EPHA1: variants seen among roughly 807,000 people sequenced by gnomAD.
EPHA1 encodes the protein EPH receptor A1, also known as ephrin type-A receptor 1.
Under a neutral mutation model 110.1 loss-of-function variants are expected in EPHA1, and 92 were observed. The ratio of observed to expected loss-of-function variants is 0.84; its 90% CI spans 0.71 to 0.99. EPHA1 has a LOEUF of 0.99. Ranked by LOEUF, EPHA1 falls within the 50% of genes least tolerant of loss-of-function variation. The pLI is 0.00. For synonymous variants in EPHA1, 500 were observed against 516.1 expected (o/e 0.97, Z 0.42); for missense variants, 1,204 against 1,285.4 (o/e 0.94, Z 0.97).
intron 14 of EPHA1, among the ~76,000 whole-genome samples, chr7:143,394,566 G>A (rs374178431): frequency 9.9e-5 from 15 of 152,134 alleles, no homozygotes; most frequent in African/African-American, 2.2e-4. Context: ...GACTACAGGC[G>A]CCTGCCACCA....
chr7:143,394,918 G>A lies in EPHA1; in HGVS notation c.2242C>T (p.Arg748Trp), dbSNP rs145070507. The A allele has an allele frequency of 2.0e-5, 32 of 1,614,040 alleles. No homozygotes were observed. Among genetic ancestry groups the A allele is most frequent in the East Asian group, 6.7e-5 (3 of 44,894 alleles). ...AAGATGTTTCTGGCAGCCAGGTCCC[G>A]GTGGACATAATTGTGATTACTGAGG... is the stretch of plus-strand genomic sequence containing the variant. ...NYLSNHNYVH[R>W]DLAARNILVN... The change falls in exon 14 of 18, where the codon CGG becomes TGG. Residue 748 changes from arginine to tryptophan, a missense_variant. Coordinates refer to ENST00000275815, the MANE Select transcript of EPHA1 (RefSeq NM_005232.5).
At chr7:143,398,105 G>A (rs1358160728) in intron 7 of EPHA1, 35 bp from the exon 8 acceptor site, 1 of 1,610,430 alleles carries the variant, frequency 6.2e-7, no homozygotes, top group Non-Finnish European at 8.5e-7. Flanking sequence ...GGGCAGTGCT[G>A]AGCCAGACCC....
At position 143,394,867 on chromosome 7, in the gene EPHA1, C is replaced by A. The variant is rs1470816324; in HGVS notation, c.2293G>T (p.Val765Leu). 5.0e-6 allele frequency: 8 copies of A among 1,614,022 alleles called. No individual in the cohort carries two copies. The highest frequency in any genetic ancestry group is 1.3e-5 in the African/African-American group (1 of 74,916). Residue 765 changes from valine to leucine, a missense_variant, in exon 14 of 18, where the codon GTG becomes TTG. Physicochemically the swap from Val to Leu is conservative, Grantham distance 32. Transcript: ENST00000275815. ...AGGCGAGTCAGGCCAAAGTCAGACA[C>A]CTTGCAGCACAGGTTTTGATTCACC... ...ILVNQNLCCKVSDFGLTRLLD... is the reference protein window; with the variant it reads ...ILVNQNLCCKLSDFGLTRLLD...
chr7:143,396,404 C>T lies in EPHA1; in HGVS notation c.1878G>A (p.Val626=), dbSNP rs1174501180. ...TRELDPAWLM[V]DTVIGEGEFG... The stretch of plus-strand genomic sequence containing the variant: ...ACTCACCTTCTCCTATGACAGTGTC[C>T]ACCATCAGCCACGCTGGATCAAGCT... Residue 626 remains valine (V), a synonymous_variant, in exon 11 of 18, where the codon GTG becomes GTA. Coordinates refer to ENST00000275815, the MANE Select transcript of EPHA1 (RefSeq NM_005232.5). The T allele has an allele frequency of 1.2e-6, 2 of 1,612,866 alleles. No individual in the cohort carries two copies. Among genetic ancestry groups the T allele is most frequent in the Admixed American group, 1.7e-5 (1 of 59,932 alleles).
Position 143,399,414 on chromosome 7 carries a change from C to T in EPHA1, c.836-1G>A. The T allele has an allele frequency of 6.3e-7, 1 of 1,581,546 alleles. No homozygotes were observed. Among genetic ancestry groups the T allele is most frequent in the Non-Finnish European group, 8.6e-7 (1 of 1,163,264 alleles). ...ATCCGGTAGGAGCCGCTAGGGCAGG[C>T]TGGAGAGAGAACGCAGCAGAGCAGT... On this transcript the variant is annotated splice_acceptor_variant, in intron 4 of 17. Coordinates refer to ENST00000275815, the MANE Select transcript of EPHA1 (RefSeq NM_005232.5). LOFTEE classifies it high-confidence loss of function.
At chr7:143,392,061 G>A (rs1805102895) in intron 16 of EPHA1, among the ~76,000 whole-genome samples, 1 of 152,244 alleles carries the variant, frequency 6.6e-6, no homozygotes, top group Non-Finnish European at 1.5e-5. Flanking sequence ...TCCTGCTGGA[G>A]TGGCCGGTTC....
At position 143,391,781 on chromosome 7, in the gene EPHA1, G is replaced by T. The variant is rs1363145788; in HGVS notation, c.2697-6C>A. On this transcript the variant is annotated splice_region_variant and splice_polypyrimidine_tract_variant and intron_variant, in intron 16 of 17. Coordinates refer to ENST00000275815, the MANE Select transcript of EPHA1 (RefSeq NM_005232.5). ...TGGGCAGGCGAAGAGTCATCCTGTG[G>T]GACATGGGCATGTCAGTCACAGCGG... The T allele has an allele frequency of 3.7e-6, 6 of 1,613,222 alleles. No individual in the cohort carries two copies. The highest frequency in any genetic ancestry group is 5.1e-6 in the Non-Finnish European group (6 of 1,179,782).
intron 2 of EPHA1, 105 bp downstream of exon 2, chr7:143,407,506 T>TC (rs34356796): frequency 8.6e-7 from 1 of 1,160,708 alleles, no homozygotes; most frequent in South Asian, 1.3e-5. Flanking sequence ...AGGAGACACT[T>TC]CCAGTTTTTC....
intron 2 of EPHA1, among the ~76,000 whole-genome samples, chr7:143,404,218 CT>C (rs11296361): frequency 0.63 from 92,416 of 145,990 alleles, 29,302 homozygotes; most frequent in South Asian, 0.76. Context: ...AGAGATATAT[CT>C]TTTTTTTTTT....
chr7:143,394,933 G>A lies in EPHA1; in HGVS notation c.2227C>T (p.His743Tyr), dbSNP rs1160462380. 5 of 1,614,128 alleles carry A rather than the reference G, an allele frequency of 3.1e-6. No individual in the cohort carries two copies. The highest frequency in any genetic ancestry group is 4.2e-6 in the Non-Finnish European group (5 of 1,180,024). ...IASGMNYLSN[H>Y]NYVHRDLAAR... ...GCCAGGTCCCGGTGGACATAATTGTGATTACTGAGGTAGTTCATGCCAGAT... is the reference window on the plus strand; with the variant it reads ...GCCAGGTCCCGGTGGACATAATTGTAATTACTGAGGTAGTTCATGCCAGAT... Residue 743 changes from histidine to tyrosine, a missense_variant, in exon 14 of 18, where the codon CAC (histidine) becomes TAC (tyrosine). His to Tyr is a moderately conservative substitution (Grantham distance 83, BLOSUM62 2). Transcript: ENST00000275815.
Position 143,391,657 on chromosome 7 carries a change from G to T in EPHA1, c.2815C>A (p.Leu939Met). Residue 939 changes from leucine (L) to methionine (M), a missense_variant, in exon 17 of 18, where the codon CTG becomes ATG. Leu to Met is a conservative substitution (Grantham distance 15). Transcript: ENST00000275815. ...TCCAGCACACACTCCATGGTGTCCA[G>T]CCCAGCCGAGTGGAAGTGCAGGATG... ...RYILHFHSAGLDTMECVLELT... is the reference protein window; with the variant it reads ...RYILHFHSAGMDTMECVLELT... 2 of 1,614,094 alleles carry T rather than the reference G, an allele frequency of 1.2e-6. No homozygotes were observed. The highest frequency in any genetic ancestry group is 1.7e-6 in the Non-Finnish European group (2 of 1,180,032).
chr7:143,403,512 A>G (rs780656263), intron 2 of EPHA1, among the ~76,000 whole-genome samples: 3 of 152,154 alleles, frequency 2.0e-5, no homozygotes, highest in Non-Finnish European at 2.9e-5. Flanking sequence ...GGACATTTAG[A>G]CAGCTTCTAG....
chr7:143,394,912 G>C lies in EPHA1; in HGVS notation c.2248C>G (p.Leu750Val). The C allele has an allele frequency of 6.2e-7, 1 of 1,614,180 alleles. No homozygotes were observed. The highest frequency in any genetic ancestry group is 1.1e-5 in the South Asian group (1 of 91,082). Residue 750 changes from leucine (L) to valine (V), a missense_variant, in exon 14 of 18, where the codon CTG (leucine) becomes GTG (valine). By Grantham distance (32) the Leu-to-Val change is conservative. Coordinates refer to ENST00000275815, the MANE Select transcript of EPHA1 (RefSeq NM_005232.5). ...LSNHNYVHRD[L>V]AARNILVNQN... Reference sequence around the variant, plus strand: ...TTCACCAAGATGTTTCTGGCAGCCAGGTCCCGGTGGACATAATTGTGATTA... The same window carrying C: ...TTCACCAAGATGTTTCTGGCAGCCACGTCCCGGTGGACATAATTGTGATTA...
Position 143,408,841 on chromosome 7 carries a change from G to A in EPHA1, c.-36C>T, listed in dbSNP as rs2116647683. Reference sequence around the variant, plus strand: ...CGGGACCTGGGACAGTGGCCCGGATGGCAGCGCCAGGTTGCAAGGGACTAG... The same window carrying A: ...CGGGACCTGGGACAGTGGCCCGGATAGCAGCGCCAGGTTGCAAGGGACTAG... On this transcript the variant is annotated 5_prime_UTR_variant, in exon 1 of 18. Transcript: ENST00000275815. 6.7e-6 allele frequency: 7 copies of A among 1,049,362 alleles called. No homozygotes were observed. The highest frequency in any genetic ancestry group is 6.7e-5 in the East Asian group (1 of 14,848). The allele number at this position is 1,049,362 out of a possible 1,614,324, so 65.0% of individuals were successfully genotyped here.
rs148167013 is a variant in EPHA1 at position 143,394,660 on chromosome 7, T to G, written c.2352+148A>C. ...TGGTCTCGATCTCCTGACCTTGTGATCCACCTGCCTCGGCCTCCCAAAGTG... is the reference window on the plus strand; with the variant it reads ...TGGTCTCGATCTCCTGACCTTGTGAGCCACCTGCCTCGGCCTCCCAAAGTG... On this transcript the variant is annotated intron_variant, in intron 14 of 17. Coordinates refer to ENST00000275815, the MANE Select transcript of EPHA1 (RefSeq NM_005232.5). The G allele has an allele frequency of 3.5e-3, 3,292 of 934,148 alleles. 123 individuals carry two copies. In the East Asian group the frequency reaches 0.077, roughly 22 times the overall value. The allele number at this position is 934,148 out of a possible 1,614,324, so 57.9% of individuals were successfully genotyped here.
chr7:143,392,001 G>A (rs2116608210), intron 16 of EPHA1, among the ~76,000 whole-genome samples: 1 of 152,322 alleles, frequency 6.6e-6, no homozygotes, highest in Non-Finnish European at 1.5e-5. Context: ...CAGGCCTATA[G>A]GAAGGGACTG....
rs772864439 is a variant in EPHA1 at position 143,401,392 on chromosome 7, A to T, written c.364T>A (p.Phe122Ile). The change falls in exon 3 of 18, where the codon TTC (phenylalanine) becomes ATC (isoleucine). Residue 122 changes from phenylalanine to isoleucine, a missense_variant. Coordinates refer to ENST00000275815, the MANE Select transcript of EPHA1 (RefSeq NM_005232.5). The surrounding 1 kb of genome is among the most constrained non-coding windows in gnomAD (Gnocchi z 4.1). The stretch of plus-strand genomic sequence containing the variant: ...TCACTCTCCATGTACAGAAGGTTGA[A>T]GGTCTCCTTGCAGCCCAGAGGCCCG... Reference protein sequence around the residue: ...GAGPLGCKETFNLLYMESDQD... With the variant: ...GAGPLGCKETINLLYMESDQD... 1 of 1,614,146 alleles carries T rather than the reference A, an allele frequency of 6.2e-7. No individual in the cohort carries two copies. The highest frequency in any genetic ancestry group is 1.1e-5 in the South Asian group (1 of 91,078).
chr7:143,401,205 A>T lies in EPHA1; in HGVS notation c.432+119T>A. 1 of 1,375,696 alleles carries T rather than the reference A, an allele frequency of 7.3e-7. No homozygotes were observed. The highest frequency in any genetic ancestry group is 9.8e-7 in the Non-Finnish European group (1 of 1,018,714). The allele number at this position is 1,375,696 out of a possible 1,614,324, so 85.2% of individuals were successfully genotyped here. On this transcript the variant is annotated intron_variant, in intron 3 of 17. Transcript: ENST00000275815. The surrounding 1 kb of genome is among the most constrained non-coding windows in gnomAD (Gnocchi z 4.1). The stretch of plus-strand genomic sequence containing the variant: ...ACCATGCCCAGCCTTCAAGCGCCAA[A>T]TTCTTTTCAAGATTCTACCTCTGCA...
Position 143,408,826 on chromosome 7 carries a change from G to A in EPHA1, c.-21C>T. Reference sequence around the variant, plus strand: ...TCCATAGCTCCGGGCCGGGACCTGGGACAGTGGCCCGGATGGCAGCGCCAG... The same window carrying A: ...TCCATAGCTCCGGGCCGGGACCTGGAACAGTGGCCCGGATGGCAGCGCCAG... On this transcript the variant is annotated 5_prime_UTR_variant, in exon 1 of 18. Coordinates refer to ENST00000275815, the MANE Select transcript of EPHA1 (RefSeq NM_005232.5). 9 of 1,198,180 alleles carry A rather than the reference G, an allele frequency of 7.5e-6. No homozygotes were observed. The highest frequency in any genetic ancestry group is 9.3e-6 in the Non-Finnish European group (9 of 968,232). The allele number at this position is 1,198,180 out of a possible 1,614,324, so 74.2% of individuals were successfully genotyped here. A position where few individuals can be genotyped will look rare whatever the true frequency, so the allele number is the denominator to read the frequency against.
Sources: allele counts gnomAD v4.1 joint callset (sites outside exome capture counted in the v4.1 genomes callset), GRCh38; gene constraint gnomAD v4.1.1; non-coding constraint Gnocchi (gnomAD v3.1); transcripts MANE v1.5; gene names NCBI Gene and HGNC (gene_info 2026-07-23, HGNC 2026-07-21).